AFG2A: variants seen among roughly 807,000 people sequenced by gnomAD.
The protein encoded by AFG2A is ATPase family gene 2 protein homolog A.
the AFG2A span, among the ~76,000 whole-genome samples, chr4:123,296,905 A>G: frequency 5.4e-4 from 82 of 152,266 alleles, no homozygotes; most frequent in South Asian, 0.016. Context: ...ACTTCAAATC[A>G]TTTTTTAGCT....
At chr4:123,016,877 C>T in the AFG2A span, among the ~76,000 whole-genome samples, 1 of 152,184 alleles carries the variant, frequency 6.6e-6, no homozygotes, top group African/African-American at 2.4e-5. Flanking sequence ...CCCGGCACCT[C>T]GGGACGCCGA....
the AFG2A span, among the ~76,000 whole-genome samples, chr4:123,144,373 A>T: frequency 6.6e-6 from 1 of 152,106 alleles, no homozygotes; most frequent in Non-Finnish European, 1.5e-5. Flanking sequence ...AATTCAGCTT[A>T]TTTACATGCT....
the AFG2A span, among the ~76,000 whole-genome samples, chr4:123,279,069 G>A: frequency 3.3e-5 from 5 of 152,234 alleles, no homozygotes; most frequent in African/African-American, 1.2e-4. Flanking sequence ...AATCTGAAAT[G>A]TTTTAATTTT....
At chr4:122,960,060 G>A in the AFG2A span, among the ~76,000 whole-genome samples, 2 of 152,086 alleles carry the variant, frequency 1.3e-5, no homozygotes, top group African/African-American at 4.8e-5. Context: ...GTCGTGACTT[G>A]TCCAAAGAGC....
chr4:122,928,178 C>T, the AFG2A span, among the ~76,000 whole-genome samples: 1 of 152,288 alleles, frequency 6.6e-6, no homozygotes, highest in African/African-American at 2.4e-5. Context: ...CAGTATTTCT[C>T]CCTGTCAGTT....
the AFG2A span, among the ~76,000 whole-genome samples, chr4:123,138,487 C>G: frequency 6.6e-6 from 1 of 152,088 alleles, no homozygotes; most frequent in Admixed American, 6.5e-5. Flanking sequence ...TAAGATAGCT[C>G]TTAAATGTAT....
At chr4:123,251,228 A>T in the AFG2A span, among the ~76,000 whole-genome samples, 694 of 152,334 alleles carry the variant, frequency 4.6e-3, 5 homozygotes, top group Middle Eastern at 0.017. Flanking sequence ...AGAATTTATT[A>T]TTCCAATAGG....
At chr4:123,124,681 A>G in the AFG2A span, among the ~76,000 whole-genome samples, 1 of 152,206 alleles carries the variant, frequency 6.6e-6, no homozygotes, top group Admixed American at 6.5e-5. Flanking sequence ...GGACCACTGC[A>G]TACCTGACAT....
the AFG2A span, among the ~76,000 whole-genome samples, chr4:123,060,625 G>A: frequency 6.6e-6 from 1 of 152,082 alleles, no homozygotes; most frequent in Non-Finnish European, 1.5e-5. Flanking sequence ...GCAGTGGCAG[G>A]GGGGGCCCTG....
At chr4:123,269,960 A>G in the AFG2A span, among the ~76,000 whole-genome samples, 1 of 151,888 alleles carries the variant, frequency 6.6e-6, no homozygotes, top group African/African-American at 2.4e-5. Flanking sequence ...GGGACTACAT[A>G]TGCCCGCCAC....
At chr4:123,260,968 G>A in the AFG2A span, among the ~76,000 whole-genome samples, 1 of 152,238 alleles carries the variant, frequency 6.6e-6, no homozygotes, top group Non-Finnish European at 1.5e-5. Context: ...TAGATCAGCA[G>A]TGGCATTAGA....
chr4:123,257,366 C>A, the AFG2A span, among the ~76,000 whole-genome samples: 1 of 152,138 alleles, frequency 6.6e-6, no homozygotes, highest in Non-Finnish European at 1.5e-5. Context: ...TGGATAAATC[C>A]ATCTTAAGTT....
At chr4:123,013,313 C>T in the AFG2A span, among the ~76,000 whole-genome samples, 1 of 152,070 alleles carries the variant, frequency 6.6e-6, no homozygotes, top group Non-Finnish European at 1.5e-5. Flanking sequence ...AGGTGCAGGT[C>T]ACAGGGGATA....
At chr4:123,068,725 G>A in the AFG2A span, among the ~76,000 whole-genome samples, 2 of 85,498 alleles carry the variant, frequency 2.3e-5, no homozygotes, top group African/African-American at 8.6e-5. Flanking sequence ...TAGCAAAGAT[G>A]CACACAGATA....
chr4:123,087,563 A>C, the AFG2A span, among the ~76,000 whole-genome samples: 1 of 152,166 alleles, frequency 6.6e-6, no homozygotes, highest in South Asian at 2.1e-4. Context: ...TTTTTCTCAG[A>C]TCTTCACTGT....
chr4:123,057,075 G>C, the AFG2A span: 1 of 775,006 alleles, frequency 1.3e-6, no homozygotes, highest in East Asian at 2.6e-5. Context: ...TCTATTACAA[G>C]GTCTATACAA....
At chr4:123,036,907 G>C in the AFG2A span, among the ~76,000 whole-genome samples, 2 of 151,974 alleles carry the variant, frequency 1.3e-5, no homozygotes, top group Admixed American at 1.3e-4. Flanking sequence ...TTCCCAGAAT[G>C]GCCTTCTGTA....
the AFG2A span, among the ~76,000 whole-genome samples, chr4:122,939,254 T>A: frequency 1.3e-5 from 2 of 151,906 alleles, no homozygotes; most frequent in Non-Finnish European, 2.9e-5. Flanking sequence ...CCTGGCTGAT[T>A]TTGTATTTTT....
At chr4:123,024,720 C>G in the AFG2A span, among the ~76,000 whole-genome samples, 1 of 152,234 alleles carries the variant, frequency 6.6e-6, no homozygotes, top group South Asian at 2.1e-4. Flanking sequence ...AGTTCAGATT[C>G]TGGTTCAGAG....
Sources: allele counts gnomAD v4.1 joint callset (sites outside exome capture counted in the v4.1 genomes callset), GRCh38; gene constraint gnomAD v4.1.1; transcripts MANE v1.5; gene names NCBI Gene and HGNC (gene_info 2026-07-23, HGNC 2026-07-21).